The following CSNK1A1 variants were observed in gnomAD, a reference collection of about 807,000 sequenced individuals.
The protein encoded by CSNK1A1 is casein kinase I isoform alpha.
CSNK1A1 carries 7 observed loss-of-function variants against 46.1 expected under a neutral mutation model. That is an observed-to-expected ratio of 0.15 (90% CI 0.09 to 0.29). The LOEUF (loss-of-function observed/expected upper bound fraction) is 0.29. Ranked by LOEUF, CSNK1A1 falls within the 10% of genes least tolerant of loss-of-function variation. The probability of loss-of-function intolerance (pLI) is 1.00; values close to 1 mark genes in which losing one functional copy is unlikely to be tolerated. For missense variants in CSNK1A1, 96 were observed against 417.1 expected, an observed-to-expected ratio of 0.23 and a Z score of 6.71; for synonymous variants, 137 against 141.5, an observed-to-expected ratio of 0.97 and a Z score of 0.23.
chr5:149,533,837 A>G (rs1761970790), intron 2 of CSNK1A1, among the ~76,000 whole-genome samples: 2 of 152,234 alleles, frequency 1.3e-5, no homozygotes, highest in South Asian at 4.1e-4. Flanking sequence ...TGGAAAATGT[A>G]CTTATAGTCT....
intron 4 of CSNK1A1, among the ~76,000 whole-genome samples, chr5:149,516,329 A>G (rs1761401999): frequency 9.4e-6 from 1 of 106,290 alleles, no homozygotes; most frequent in Non-Finnish European, 1.8e-5. Context: ...GTCTCAAAAC[A>G]AAACAAAAAA....
intron 2 of CSNK1A1, among the ~76,000 whole-genome samples, chr5:149,531,110 G>A (rs372299122): frequency 1.8e-4 from 27 of 151,886 alleles, no homozygotes; most frequent in African/African-American, 6.5e-4. Flanking sequence ...ATACACAGAT[G>A]TATTCTCAAA....
Position 149,495,962 on chromosome 5 carries a change from G to A in CSNK1A1, c.*891C>T, listed in dbSNP as rs1281520765. On this transcript the variant is annotated 3_prime_UTR_variant, in exon 10 of 10. Transcript: ENST00000377843. ...GTGAGTCAGCAAGGCATTTTTTGTT[G>A]TTTAAAAAAAATCTCATTTCCTTAC... The A allele has an allele frequency of 2.0e-5, 3 of 152,294 alleles. No individual in the cohort carries two copies. Among genetic ancestry groups the A allele is most frequent in the Non-Finnish European group, 4.4e-5 (3 of 67,956 alleles). 9.4% of individuals were successfully genotyped at this position (152,294 alleles called of 1,614,324 possible).
rs1319659891 is a variant in CSNK1A1 at position 149,500,200 on chromosome 5, C to A, written c.1007-3340G>T. ...TCGCCCAGGCTGGAGTGCAGTGGCG[C>A]GATCTTGGCTCACTGCAAGCTCCGC... On this transcript the variant is annotated intron_variant, in intron 9 of 9. Coordinates refer to ENST00000377843, the MANE Select transcript of CSNK1A1 (RefSeq NM_001892.6). 2.0e-5 allele frequency among the ~76,000 whole-genome samples: 3 copies of A among 148,612 alleles called. No individual in the cohort carries two copies. In the East Asian group the frequency reaches 6.0e-4, roughly 30 times the overall value.
intron 2 of CSNK1A1, among the ~76,000 whole-genome samples, chr5:149,531,442 C>T (rs1285313486): frequency 6.6e-6 from 1 of 151,548 alleles, no homozygotes; most frequent in Non-Finnish European, 1.5e-5. Flanking sequence ...TGCTTGAACC[C>T]GGGAGGCCGA....
chr5:149,520,779 A>T (rs1761543167), intron 3 of CSNK1A1, among the ~76,000 whole-genome samples: 1 of 152,222 alleles, frequency 6.6e-6, no homozygotes, highest in Non-Finnish European at 1.5e-5. Flanking sequence ...ATGGCCTTGT[A>T]TTACCCAGAC....
chr5:149,536,089 T>A (rs549543578), intron 2 of CSNK1A1, among the ~76,000 whole-genome samples: 31 of 152,204 alleles, frequency 2.0e-4, no homozygotes, highest in Non-Finnish European at 1.5e-5. Flanking sequence ...GAGTAGCTGG[T>A]ATCACAGGCA....
intron 2 of CSNK1A1, among the ~76,000 whole-genome samples, chr5:149,546,569 G>A (rs551114144): frequency 2.6e-5 from 4 of 151,794 alleles, no homozygotes; most frequent in Admixed American, 6.6e-5. Context: ...GGAGGTGGAG[G>A]CTGCAGTGAG....
chr5:149,506,932 G>T, intron 8 of CSNK1A1, 95 bp downstream of exon 8: 1 of 908,254 alleles, frequency 1.1e-6, no homozygotes, highest in Non-Finnish European at 1.7e-6. Context: ...AGCTAGATCT[G>T]CTTTACTTTA....
At chr5:149,548,998 C>T (rs1157580865) in intron 2 of CSNK1A1, among the ~76,000 whole-genome samples, 1 of 152,122 alleles carries the variant, frequency 6.6e-6, no homozygotes, top group Non-Finnish European at 1.5e-5. Context: ...TCTTTAATCC[C>T]AAAAGTTAAA....
rs889164746 is a variant in CSNK1A1, at chr5:149,495,229, G to C, written c.*1624C>G. On this transcript the variant is annotated 3_prime_UTR_variant, in exon 10 of 10. Transcript: ENST00000377843. ...GTTTTCAAATAAAAAAAAGAAAAAA[G>C]AAAACAAAACAAATTAAACTTGACA... 1.3e-5 allele frequency: 2 copies of C among 151,976 alleles called. No homozygotes were observed. Among genetic ancestry groups the C allele is most frequent in the Admixed American group, 6.6e-5 (1 of 15,250 alleles). 9.4% of individuals were successfully genotyped at this position (151,976 alleles called of 1,614,324 possible). A position where few individuals can be genotyped will look rare whatever the true frequency, so the allele number is the denominator to read the frequency against.
chr5:149,533,599 G>A (rs922847864), intron 2 of CSNK1A1, among the ~76,000 whole-genome samples: 3 of 151,704 alleles, frequency 2.0e-5, no homozygotes, highest in Non-Finnish European at 4.4e-5. Context: ...TTGGTTCCCA[G>A]TAACATAGTT....
At chr5:149,543,160 A>C (rs1762357411) in intron 2 of CSNK1A1, among the ~76,000 whole-genome samples, 1 of 152,192 alleles carries the variant, frequency 6.6e-6, no homozygotes, top group Non-Finnish European at 1.5e-5. Context: ...ACAAGTGAAG[A>C]AGTACAGGAT....
At chr5:149,502,475 C>A in intron 9 of CSNK1A1, 1 of 247,338 alleles carries the variant, frequency 4.0e-6, no homozygotes, top group Non-Finnish European at 5.7e-6. Flanking sequence ...CCCAACACAG[C>A]TGGGATCACA....
At chr5:149,513,242 C>T (rs1370362702) in intron 4 of CSNK1A1, 33 bp from the exon 5 acceptor site, 3 of 1,591,242 alleles carry the variant, frequency 1.9e-6, no homozygotes, top group South Asian at 2.3e-5. Flanking sequence ...CATTAGGTTT[C>T]CAACCTTGTT....
intron 4 of CSNK1A1, among the ~76,000 whole-genome samples, chr5:149,516,999 C>G (rs891307785): frequency 3.3e-5 from 5 of 152,110 alleles, no homozygotes; most frequent in Non-Finnish European, 7.4e-5. Flanking sequence ...GGAGCATGAA[C>G]ATTTATGAAC....
intron 3 of CSNK1A1, among the ~76,000 whole-genome samples, chr5:149,523,053 T>C (rs1369227681): frequency 6.6e-6 from 1 of 151,704 alleles, no homozygotes; most frequent in African/African-American, 2.4e-5. Context: ...GGCTTTTTTT[T>C]TTTTTGAGAC....
At chr5:149,542,070 G>A (rs936374039) in intron 2 of CSNK1A1, among the ~76,000 whole-genome samples, 3 of 148,266 alleles carry the variant, frequency 2.0e-5, no homozygotes, top group Non-Finnish European at 4.5e-5. Context: ...GTATAGAAGC[G>A]AAGTGAAGCT....
intron 9 of CSNK1A1, 59 bp from the exon 10 acceptor site, chr5:149,496,919 C>G: frequency 6.6e-7 from 1 of 1,524,234 alleles, no homozygotes; most frequent in Non-Finnish European, 8.8e-7. Context: ...TTTTAAATTA[C>G]ACCCAAAATA....
Sources: gnomAD v4.1 joint callset for allele counts (sites outside exome capture counted in the v4.1 genomes callset) on GRCh38, gnomAD v4.1.1 for gene constraint, MANE v1.5 for transcripts, NCBI Gene and HGNC (gene_info 2026-07-23, HGNC 2026-07-21) for gene names.